Variants in SMAD6 observed in about 807,000 individuals in gnomAD.
SMAD6 encodes SMAD family member 6.
Under a neutral mutation model 39.4 loss-of-function variants are expected in SMAD6, and 103 were observed. That is an observed-to-expected ratio of 2.62 (90% CI 2.23 to 3.08). The LOEUF is 3.08. SMAD6 is among the 30% of genes most tolerant of loss of function. SMAD6 has a pLI of 0.00. For missense variants in SMAD6, 1,104 were observed against 742.9 expected (o/e 1.49, Z -5.65); for synonymous variants, 445 against 353.3 (o/e 1.26, Z -2.91).
rs563870013 is a variant in SMAD6 at position 66,727,007 on chromosome 15, C to T, written c.952+10509C>T. 1.2e-4 allele frequency among the ~76,000 whole-genome samples: 18 copies of T among 152,258 alleles called. No individual in the cohort carries two copies. In the South Asian group the frequency reaches 3.3e-3, roughly 28 times the overall value. ...GCAGGAGTCCTTTCTGTATCAGAGC[C>T]CCTGGCCGGTGCCTGATTACTTCTG... On this transcript the variant is annotated intron_variant, in intron 3 of 3. Transcript: ENST00000288840.
At chr15:66,779,537 G>T (rs983814150) in intron 3 of SMAD6, among the ~76,000 whole-genome samples, 4 of 152,324 alleles carry the variant, frequency 2.6e-5, no homozygotes, top group Admixed American at 1.3e-4. Flanking sequence ...CCTCCTGCTG[G>T]GTGGCTGGGC....
intron 3 of SMAD6, among the ~76,000 whole-genome samples, chr15:66,778,912 G>A (rs1567115188): frequency 6.6e-6 from 1 of 152,224 alleles, no homozygotes; most frequent in Non-Finnish European, 1.5e-5. Flanking sequence ...CTGTCTCCCA[G>A]CATACTCCAG....
chr15:66,758,623 G>A (rs1894144288), intron 3 of SMAD6, among the ~76,000 whole-genome samples: 3 of 152,134 alleles, frequency 2.0e-5, no homozygotes, highest in African/African-American at 4.8e-5. Flanking sequence ...AGGTACTCGG[G>A]AGGCTGAGGC....
At chr15:66,761,406 T>C (rs1894196645) in intron 3 of SMAD6, among the ~76,000 whole-genome samples, 1 of 152,072 alleles carries the variant, frequency 6.6e-6, no homozygotes, top group Admixed American at 6.5e-5. Flanking sequence ...TGCCTGAGAG[T>C]TGGTGGTGGT....
At position 66,747,409 on chromosome 15, in the gene SMAD6, G is replaced by A. The variant is rs1384849392; in HGVS notation, c.952+30911G>A. ...GGCTCTGGCCAGACTCTGCTTCCCC[G>A]TGGGGAACTAAGCCTGCTCCTCCCG... On this transcript the variant is annotated intron_variant, in intron 3 of 3. Coordinates refer to ENST00000288840, the MANE Select transcript of SMAD6 (RefSeq NM_005585.5). This position sits in a 1 kb window ranked among gnomAD's most constrained non-coding sequence, Gnocchi z 4.5. 1.3e-5 allele frequency among the ~76,000 whole-genome samples: 2 copies of A among 152,226 alleles called. No homozygotes were observed. Among genetic ancestry groups the A allele is most frequent in the African/African-American group, 2.4e-5 (1 of 41,472 alleles).
intron 3 of SMAD6, among the ~76,000 whole-genome samples, chr15:66,773,728 C>T (rs1894418042): frequency 6.6e-6 from 1 of 152,190 alleles, no homozygotes; most frequent in South Asian, 2.1e-4. Context: ...CAGTGCAGCC[C>T]TGTGCAAAGG....
Position 66,716,447 on chromosome 15 carries a change from A to C in SMAD6, c.901A>C (p.Thr301Pro). The C allele has an allele frequency of 6.2e-7, 1 of 1,613,906 alleles. No individual in the cohort carries two copies. Among genetic ancestry groups the C allele is most frequent in the Non-Finnish European group, 8.5e-7 (1 of 1,179,718 alleles). Residue 301 changes from threonine (T) to proline (P), a missense_variant, in exon 3 of 4, where the codon ACT (threonine) becomes CCT (proline). Physicochemically the swap from Thr to Pro is conservative, Grantham distance 38. Coordinates refer to ENST00000288840, the MANE Select transcript of SMAD6 (RefSeq NM_005585.5). ...TCTGTCCGATTCCACATTGTCTTACACTGAAACGGAGGCTACCAACTCCCT... is the reference window on the plus strand; with the variant it reads ...TCTGTCCGATTCCACATTGTCTTACCCTGAAACGGAGGCTACCAACTCCCT... ...LDLSDSTLSYTETEATNSLIT... is the reference protein window; with the variant it reads ...LDLSDSTLSYPETEATNSLIT...
rs1160042861 is a variant in SMAD6 at position 66,703,647 on chromosome 15, C to A, written c.389C>A (p.Ser130Ter). Reference protein sequence around the residue: ...DCETVTCCLFSERDAAGAPRD... With the variant: ...DCETVTCCLF Reference sequence around the variant, plus strand: ...GAGACGGTGACCTGCTGTCTCTTTTCGGAGCGGGACGCCGCCGGCGCGCCC... The same window carrying A: ...GAGACGGTGACCTGCTGTCTCTTTTAGGAGCGGGACGCCGCCGGCGCGCCC... Residue 130 changes from serine to a stop codon, truncating the protein, a stop_gained, in exon 1 of 4, where the codon TCG becomes TAG. Transcript: ENST00000288840. LOFTEE classifies it high-confidence loss of function. 4 of 1,231,800 alleles carry A rather than the reference C, an allele frequency of 3.2e-6. No individual in the cohort carries two copies. The highest frequency in any genetic ancestry group is 4.4e-5 in the Admixed American group (1 of 22,860). The allele number at this position is 1,231,800 out of a possible 1,614,324, so 76.3% of individuals were successfully genotyped here.
At position 66,724,285 on chromosome 15, in the gene SMAD6, G is replaced by GGAATGAATGAATGAAT. The variant is rs111450497; in HGVS notation, c.952+7799_952+7814dup. ...TAGCTCACAGCCAGGGAGTCATTGT[G>GGAATGAATGAATGAAT]GAATGAATGAATGAATGAATGAATG... On this transcript the variant is annotated intron_variant, in intron 3 of 3. Transcript: ENST00000288840. Among the ~76,000 whole-genome samples the GGAATGAATGAATGAAT allele has an allele frequency of 3.0e-3, 445 of 150,616 alleles. 4 individuals are homozygous for GGAATGAATGAATGAAT. Among genetic ancestry groups the GGAATGAATGAATGAAT allele is most frequent in the East Asian group, 0.019 (95 of 5,052 alleles).
chr15:66,750,880 G>T (rs1027265400), intron 3 of SMAD6, among the ~76,000 whole-genome samples: 6 of 152,184 alleles, frequency 3.9e-5, no homozygotes, highest in Admixed American at 2.0e-4. Context: ...CAAGCCCCTA[G>T]CAGGCAGGGC....
chr15:66,702,506 T>TG lies in SMAD6; in HGVS notation c.-752dup, dbSNP rs1242433929. 6.6e-6 allele frequency: 1 copy of TG among 152,532 alleles called. No individual in the cohort carries two copies. Among genetic ancestry groups the TG allele is most frequent in the East Asian group, 1.9e-4 (1 of 5,150 alleles). 9.4% of individuals were successfully genotyped at this position (152,532 alleles called of 1,614,324 possible). ...GCAGCGTGGGGCGGGCTGCGACCTC[T>TG]GCATCGGTGGACTGCATTTTTAATT... On this transcript the variant is annotated 5_prime_UTR_variant, in exon 1 of 4. It introduces an in-frame stop codon into an upstream open reading frame of the 5' UTR. Coordinates refer to ENST00000288840, the MANE Select transcript of SMAD6 (RefSeq NM_005585.5).
intron 3 of SMAD6, among the ~76,000 whole-genome samples, chr15:66,780,421 C>T (rs1465190993): frequency 6.6e-6 from 1 of 152,168 alleles, no homozygotes; most frequent in Admixed American, 6.5e-5. Flanking sequence ...TTCAACCTCC[C>T]CCGCCATCCC....
At position 66,781,149 on chromosome 15, in the gene SMAD6, G is replaced by GGCCA; in HGVS notation, c.1108_1111dup (p.Leu371ProfsTer195). 6.2e-7 allele frequency: 1 copy of GGCCA among 1,608,266 alleles called. No individual in the cohort carries two copies. Among genetic ancestry groups the GGCCA allele is most frequent in the Non-Finnish European group, 8.5e-7 (1 of 1,179,758 alleles). On this transcript the variant is annotated frameshift_variant, in exon 4 of 4. Coordinates refer to ENST00000288840, the MANE Select transcript of SMAD6 (RefSeq NM_005585.5). LOFTEE classifies it high-confidence loss of function. ...ACCTCAGGGCAGCGGCTTCTGCCTG[G>GGCCA]GCCAGCTCAACCTGGAGCAGCGCAG...
chr15:66,756,938 G>A (rs1033760017), intron 3 of SMAD6, among the ~76,000 whole-genome samples: 2 of 152,346 alleles, frequency 1.3e-5, no homozygotes, highest in East Asian at 3.9e-4. Flanking sequence ...ATACTCATAT[G>A]TTGGGAGGGA....
chr15:66,753,356 T>C (rs935297633), intron 3 of SMAD6, among the ~76,000 whole-genome samples: 2 of 152,200 alleles, frequency 1.3e-5, no homozygotes, highest in Non-Finnish European at 2.9e-5. Context: ...TGGGCAGATG[T>C]GGGTCCTTGT....
chr15:66,745,248 G>C (rs1227055694), intron 3 of SMAD6, among the ~76,000 whole-genome samples: 1 of 152,146 alleles, frequency 6.6e-6, no homozygotes, highest in Non-Finnish European at 1.5e-5. Flanking sequence ...CACACATCCT[G>C]CTTTTAAAAT....
Position 66,703,691 on chromosome 15 carries a change from CT to C in SMAD6, c.434del (p.Leu145ArgfsTer36). ...CGCGCCCCGGGACGCCAGCGACCCC[CT>C]GGCCGGGGCGGCCCTGGAGCCGGCG... ...AGAPRDASDP[L>X]AGAALEPAGG... On this transcript the variant is annotated frameshift_variant, in exon 1 of 4. Coordinates refer to ENST00000288840, the MANE Select transcript of SMAD6 (RefSeq NM_005585.5). LOFTEE classifies it high-confidence loss of function. 1 of 1,255,042 alleles carries C rather than the reference CT, an allele frequency of 8.0e-7. No homozygotes were observed. Among genetic ancestry groups the C allele is most frequent in the Non-Finnish European group, 1.0e-6 (1 of 998,114 alleles). The allele number at this position is 1,255,042 out of a possible 1,614,324, so 77.7% of individuals were successfully genotyped here.
Position 66,710,691 on chromosome 15 carries a change from T to G in SMAD6, c.818-977T>G, listed in dbSNP as rs368268133. On this transcript the variant is annotated intron_variant, in intron 1 of 3. Coordinates refer to ENST00000288840, the MANE Select transcript of SMAD6 (RefSeq NM_005585.5). ...CATTTCATTCATGCAAATTGTTACT[T>G]AGTTTAGCAAATTGTTACTTCCCAT... is the stretch of plus-strand genomic sequence containing the variant. 6.8e-4 allele frequency among the ~76,000 whole-genome samples: 104 copies of G among 152,334 alleles called. 1 individual carries two copies. Among genetic ancestry groups the G allele is most frequent in the African/African-American group, 2.4e-3 (101 of 41,580 alleles).
intron 3 of SMAD6, among the ~76,000 whole-genome samples, chr15:66,755,982 G>A (rs1775442780): frequency 6.6e-6 from 1 of 151,912 alleles, no homozygotes; most frequent in Admixed American, 6.6e-5. Context: ...AAGGCCTCCT[G>A]GAGGAAGGAA....
Sources: allele counts gnomAD v4.1 joint callset (sites outside exome capture counted in the v4.1 genomes callset), GRCh38; gene constraint gnomAD v4.1.1; non-coding constraint Gnocchi (gnomAD v3.1); transcripts MANE v1.5; gene names NCBI Gene and HGNC (gene_info 2026-07-23, HGNC 2026-07-21).